The following USO1 variants were observed in gnomAD, a reference collection of about 807,000 sequenced individuals.
The protein encoded by USO1 is USO1 vesicle transport factor.
USO1 carries 57 observed loss-of-function variants against 124.5 expected under a neutral mutation model. The observed-to-expected ratio is 0.46, with a 90% CI of 0.37 to 0.57. The LOEUF is 0.57. Ranked by LOEUF, USO1 falls within the 20% of genes least tolerant of loss-of-function variation. The probability of loss-of-function intolerance (pLI) is 0.00; values close to 1 mark genes in which losing one functional copy is unlikely to be tolerated. For synonymous variants in USO1, 369 were observed against 362.8 expected (o/e 1.02, Z -0.19); for missense variants, 900 against 1,040.6 (o/e 0.86, Z 1.86).
At chr4:75,734,229 C>G (rs1720723571) in intron 1 of USO1, among the ~76,000 whole-genome samples, 1 of 152,166 alleles carries the variant, frequency 6.6e-6, no homozygotes, top group Non-Finnish European at 1.5e-5. Flanking sequence ...CAGGCGTAAG[C>G]CACCATGCCC....
chr4:75,776,811 G>C (rs377201192), intron 8 of USO1, among the ~76,000 whole-genome samples: 35 of 152,254 alleles, frequency 2.3e-4, no homozygotes, highest in Non-Finnish European at 4.6e-4. Context: ...AGGTGAGGAA[G>C]CCTCTAATCT....
intron 19 of USO1, among the ~76,000 whole-genome samples, chr4:75,806,127 G>A (rs1002312939): frequency 5.9e-5 from 9 of 152,128 alleles, no homozygotes; most frequent in African/African-American, 2.2e-4. Context: ...GAGTAGCTGG[G>A]ATTATAGGTG....
intron 1 of USO1, among the ~76,000 whole-genome samples, chr4:75,726,008 G>A (rs1365007317): frequency 2.0e-5 from 3 of 152,126 alleles, no homozygotes; most frequent in African/African-American, 7.2e-5. Context: ...TAGGCCGGAC[G>A]CGGTGGCTCA....
At chr4:75,805,361 G>GC in intron 19 of USO1, 58 bp downstream of exon 19, 3 of 1,439,544 alleles carry the variant, frequency 2.1e-6, no homozygotes, top group Admixed American at 3.0e-5. Context: ...TCATTATCCT[G>GC]CCTTTTTTTT....
intron 4 of USO1, among the ~76,000 whole-genome samples, chr4:75,767,794 T>C (rs925537798): frequency 6.6e-6 from 1 of 152,244 alleles, no homozygotes; most frequent in African/African-American, 2.4e-5. Context: ...GTGTTAAGTC[T>C]TCTAACTTTG....
At chr4:75,764,086 T>C (rs1448336379) in intron 4 of USO1, among the ~76,000 whole-genome samples, 2 of 152,204 alleles carry the variant, frequency 1.3e-5, no homozygotes, top group Admixed American at 6.5e-5. Flanking sequence ...TTGATCCTTG[T>C]AATAGGACCA....
chr4:75,790,071 A>AT (rs142155815), intron 10 of USO1, 79 bp from the exon 11 acceptor site: 10 of 1,337,008 alleles, frequency 7.5e-6, no homozygotes, highest in Admixed American at 3.0e-5. Context: ...AAAAAAAAAG[A>AT]TTTTTTTTCT....
At chr4:75,774,825 A>G in intron 8 of USO1, 29 bp downstream of exon 8, 1 of 1,608,158 alleles carries the variant, frequency 6.2e-7, no homozygotes, top group Non-Finnish European at 8.5e-7. Context: ...ATTTGAAGAC[A>G]TTCCTTTTGT....
intron 1 of USO1, among the ~76,000 whole-genome samples, chr4:75,745,718 G>A (rs1721104545): frequency 6.6e-6 from 1 of 152,036 alleles, no homozygotes; most frequent in South Asian, 2.1e-4. Flanking sequence ...TGGCCAACAG[G>A]GTGAAACCCC....
At chr4:75,767,166 G>C (rs567018567) in intron 4 of USO1, among the ~76,000 whole-genome samples, 4 of 152,242 alleles carry the variant, frequency 2.6e-5, no homozygotes, top group Admixed American at 2.6e-4. Context: ...ACAGGGCACA[G>C]ATTTCTTTCC....
intron 20 of USO1, 121 bp downstream of exon 20, chr4:75,806,693 C>T: frequency 1.5e-6 from 2 of 1,296,582 alleles, no homozygotes; most frequent in Non-Finnish European, 2.1e-6. Flanking sequence ...TAAGTTAAGA[C>T]AGCCATTTGA....
At chr4:75,806,715 C>G in intron 20 of USO1, 143 bp downstream of exon 20, 1 of 1,129,534 alleles carries the variant, frequency 8.9e-7, no homozygotes, top group Non-Finnish European at 1.2e-6. Flanking sequence ...AATCCAGAAG[C>G]TGTTTCTATT....
At chr4:75,788,329 G>A (rs324732) in intron 10 of USO1, among the ~76,000 whole-genome samples, 2,949 of 147,692 alleles carry the variant, frequency 0.02, 38 homozygotes, top group Non-Finnish European at 0.03. Context: ...CACCATGCCC[G>A]GCTAATTTTT....
chr4:75,799,518 G>C, intron 13 of USO1, 104 bp from the exon 14 acceptor site: 1 of 1,298,792 alleles, frequency 7.7e-7, no homozygotes, highest in South Asian at 1.4e-5. Flanking sequence ...TCTCTTGTAA[G>C]ATGTTAAAGT....
At chr4:75,748,967 T>A (rs1402866001) in intron 1 of USO1, among the ~76,000 whole-genome samples, 1 of 151,746 alleles carries the variant, frequency 6.6e-6, no homozygotes, top group Non-Finnish European at 1.5e-5. Context: ...TATATACATA[T>A]ATGTGTATAT....
intron 1 of USO1, chr4:75,725,087 C>T (rs1032280079): frequency 3.2e-5 from 20 of 626,838 alleles, no homozygotes; most frequent in Non-Finnish European, 5.2e-5. Flanking sequence ...TGCTGCCGTT[C>T]GGCCGGACTG....
chr4:75,725,499 A>G (rs1209226347), intron 1 of USO1, among the ~76,000 whole-genome samples: 3 of 152,062 alleles, frequency 2.0e-5, no homozygotes, highest in Non-Finnish European at 4.4e-5. Context: ...ACCCAAATAT[A>G]TATCATTTGG....
chr4:75,801,965 G>A (rs748061518), intron 17 of USO1, among the ~76,000 whole-genome samples: 13 of 152,104 alleles, frequency 8.5e-5, no homozygotes, highest in East Asian at 1.9e-4. Context: ...GATTATAGGC[G>A]TGTGCCACCA....
At chr4:75,745,303 A>G (rs748258356) in intron 1 of USO1, 2 of 515,236 alleles carry the variant, frequency 3.9e-6, no homozygotes, top group Non-Finnish European at 7.7e-6. Flanking sequence ...AGAACAAGGA[A>G]CTGCCCTGGC....
Sources: gnomAD v4.1 joint callset for allele counts (sites outside exome capture counted in the v4.1 genomes callset) on GRCh38, gnomAD v4.1.1 for gene constraint, MANE v1.5 for transcripts, NCBI Gene and HGNC (gene_info 2026-07-23, HGNC 2026-07-21) for gene names.